FGL1: variants seen among roughly 807,000 people sequenced by gnomAD.
FGL1 encodes fibrinogen like 1.
FGL1 carries 59 observed loss-of-function variants against 43.7 expected under a neutral mutation model. The observed-to-expected ratio is 1.35, with a 90% CI of 1.10 to 1.68. The LOEUF is 1.68. FGL1 is among the 40% of genes most tolerant of loss of function. The pLI is 0.00. For missense variants in FGL1, 596 were observed against 373.0 expected (o/e 1.60, Z -4.92); for synonymous variants, 192 against 126.5 (o/e 1.52, Z -3.48).
At chr8:17,877,011 A>G (rs2259483) in intron 3 of FGL1, among the ~76,000 whole-genome samples, 18,950 of 152,206 alleles carry the variant, frequency 0.12, 1,786 homozygotes, top group African/African-American at 0.25. Context: ...TAAAAAAGCA[A>G]AAAAGCACCA....
At chr8:17,879,990 C>T (rs7828836) in intron 3 of FGL1, among the ~76,000 whole-genome samples, 30,322 of 152,086 alleles carry the variant, frequency 0.2, 4,217 homozygotes, top group African/African-American at 0.39. Flanking sequence ...ACGAGTTCCT[C>T]GCCCTTGAGA....
intron 5 of FGL1, among the ~76,000 whole-genome samples, chr8:17,871,891 A>C (rs183443394): frequency 7.2e-5 from 11 of 152,360 alleles, no homozygotes; most frequent in African/African-American, 1.9e-4. Context: ...AAATATGTAC[A>C]TCATAATAAC....
At chr8:17,868,826 A>G (rs2053312241) in intron 6 of FGL1, 90 bp downstream of exon 6, 1 of 1,458,598 alleles carries the variant, frequency 6.9e-7, no homozygotes, top group Admixed American at 2.1e-5. Flanking sequence ...AACAGGTTCT[A>G]TTGTATATTT....
intron 7 of FGL1, among the ~76,000 whole-genome samples, chr8:17,865,918 G>T (rs1235043666): frequency 6.6e-6 from 1 of 152,092 alleles, no homozygotes; most frequent in African/African-American, 2.4e-5. Flanking sequence ...GAGCGTTCTC[G>T]AAGTCCTCCT....
At chr8:17,893,028 G>A (rs750921867) in intron 1 of FGL1, among the ~76,000 whole-genome samples, 1 of 152,010 alleles carries the variant, frequency 6.6e-6, no homozygotes, top group African/African-American at 2.4e-5. Context: ...GCAAAACCCC[G>A]TCCCTACTAA....
intron 1 of FGL1, among the ~76,000 whole-genome samples, chr8:17,887,950 A>G (rs1483504711): frequency 2.0e-5 from 3 of 152,020 alleles, no homozygotes; most frequent in East Asian, 3.9e-4. Context: ...TCTTTATTTT[A>G]TCTTAGTAAA....
intron 5 of FGL1, among the ~76,000 whole-genome samples, chr8:17,870,950 C>T (rs1218415192): frequency 3.1e-5 from 2 of 63,908 alleles, no homozygotes; most frequent in African/African-American, 1.1e-4. Flanking sequence ...CTTAAGGGTG[C>T]ACACACCAGG....
At chr8:17,875,547 T>TTCTTGCTTTCTTTC (rs2053440010) in intron 3 of FGL1, among the ~76,000 whole-genome samples, 1 of 16,244 alleles carries the variant, frequency 6.2e-5, no homozygotes, top group African/African-American at 1.6e-4. Context: ...CTTTCTTTCT[T>TTCTTGCTTTCTTTC]TCTTTCTTTC....
chr8:17,870,508 C>T (rs560455385), intron 5 of FGL1, among the ~76,000 whole-genome samples: 1 of 152,282 alleles, frequency 6.6e-6, no homozygotes, highest in African/African-American at 2.4e-5. Flanking sequence ...TCAAGCCAGA[C>T]CATGGAGGCA....
intron 5 of FGL1, among the ~76,000 whole-genome samples, chr8:17,869,709 T>A (rs757549478): frequency 2.6e-5 from 4 of 152,198 alleles, no homozygotes; most frequent in Non-Finnish European, 4.4e-5. Context: ...ACCACCAACA[T>A]TCTCAATGGC....
At chr8:17,869,354 A>G (rs2053322268) in intron 5 of FGL1, among the ~76,000 whole-genome samples, 1 of 152,110 alleles carries the variant, frequency 6.6e-6, no homozygotes, top group African/African-American at 2.4e-5. Flanking sequence ...TAATAGTTTG[A>G]CCTCTTTTTC....
intron 3 of FGL1, 124 bp from the exon 4 acceptor site, chr8:17,874,645 C>T (rs996835650): frequency 1.6e-6 from 1 of 609,146 alleles, no homozygotes; most frequent in East Asian, 3.1e-5. Flanking sequence ...TAGAAATCAG[C>T]GTTTTAAAAT....
chr8:17,895,143 T>G (rs571263548), intron 1 of FGL1: 1 of 297,730 alleles, frequency 3.4e-6, no homozygotes, highest in South Asian at 1.2e-4. Flanking sequence ...TTATATTACT[T>G]TGATTAGCTT....
At position 17,877,524 on chromosome 8, in the gene FGL1, A is replaced by G. The variant is rs2053473986; in HGVS notation, c.245-3003T>C. The stretch of plus-strand genomic sequence containing the variant: ...ATTCTAAACACAAAAAGAGGTAAGC[A>G]ACAGAGGTCAGCTGCCACTCCCCAG... On this transcript the variant is annotated intron_variant, in intron 3 of 7. Coordinates refer to ENST00000427924, the MANE Select transcript of FGL1 (RefSeq NM_004467.4). Among the ~76,000 whole-genome samples the G allele has an allele frequency of 2.0e-5, 3 of 152,142 alleles. No individual in the cohort carries two copies. In the South Asian group the frequency reaches 6.2e-4, roughly 32 times the overall value.
At chr8:17,872,393 C>T (rs1394795756) in intron 5 of FGL1, among the ~76,000 whole-genome samples, 1 of 151,788 alleles carries the variant, frequency 6.6e-6, no homozygotes, top group Non-Finnish European at 1.5e-5. Flanking sequence ...ACCTCCGCCT[C>T]TTGGGTTCAA....
At chr8:17,876,317 T>C (rs992754165) in intron 3 of FGL1, among the ~76,000 whole-genome samples, 2 of 152,058 alleles carry the variant, frequency 1.3e-5, no homozygotes, top group African/African-American at 4.8e-5. Context: ...ATAAAATATA[T>C]TGCACATTAA....
chr8:17,895,277 C>T (rs191202359), intron 1 of FGL1, 170 bp downstream of exon 1: 7 of 1,020,070 alleles, frequency 6.9e-6, no homozygotes, highest in Non-Finnish European at 4.8e-6. Flanking sequence ...ACAAAAGATA[C>T]ATAATTCTAA....
intron 2 of FGL1, among the ~76,000 whole-genome samples, chr8:17,885,246 T>C (rs1242619863): frequency 1.3e-5 from 2 of 152,066 alleles, no homozygotes; most frequent in Non-Finnish European, 1.5e-5. Context: ...GGTTTCACCA[T>C]ATTGGCCAGG....
intron 5 of FGL1, among the ~76,000 whole-genome samples, chr8:17,873,777 G>C (rs2053400817): frequency 6.7e-6 from 1 of 149,536 alleles, no homozygotes; most frequent in South Asian, 2.1e-4. Flanking sequence ...AATATATTTA[G>C]ATATTTCTCA....
Sources: gnomAD v4.1 joint callset for allele counts (sites outside exome capture counted in the v4.1 genomes callset) on GRCh38, gnomAD v4.1.1 for gene constraint, MANE v1.5 for transcripts, NCBI Gene and HGNC (gene_info 2026-07-23, HGNC 2026-07-21) for gene names.